TTC13: variants seen among roughly 807,000 people sequenced by gnomAD.
TTC13 encodes the protein tetratricopeptide repeat domain 13.
In TTC13, 62 loss-of-function variants were observed where a neutral mutation model predicts 120.0. The ratio of observed to expected loss-of-function variants is 0.52; its 90% CI spans 0.42 to 0.64. The LOEUF (loss-of-function observed/expected upper bound fraction) is 0.64. TTC13 is among the 30% of genes least tolerant of loss of function. The probability of loss-of-function intolerance (pLI) is 0.00; values close to 1 mark genes in which losing one functional copy is unlikely to be tolerated. For missense variants in TTC13, 824 were observed against 1,050.2 expected, an observed-to-expected ratio of 0.78 and a Z score of 2.98; for synonymous variants, 384 against 393.5, an observed-to-expected ratio of 0.98 and a Z score of 0.28.
rs984023450 is a variant in TTC13 at position 230,944,835 on chromosome 1, C to T, written c.579+554G>A. 4.6e-5 allele frequency among the ~76,000 whole-genome samples: 7 copies of T among 152,026 alleles called. No homozygotes were observed. The highest frequency in any genetic ancestry group is 9.7e-5 in the African/African-American group (4 of 41,394). ...TTGGAAAGCTGAACTTACACCATTT[C>T]GTGATTTACTATATAATTTCAGGAG... is the stretch of plus-strand genomic sequence containing the variant. On this transcript the variant is annotated intron_variant, in intron 5 of 22. Transcript: ENST00000366661. This position sits in a 1 kb window ranked among gnomAD's most constrained non-coding sequence, Gnocchi z 4.0.
chr1:230,907,509 G>A (rs957984981), intron 22 of TTC13, among the ~76,000 whole-genome samples: 1 of 152,250 alleles, frequency 6.6e-6, no homozygotes, highest in African/African-American at 2.4e-5. Context: ...TTTCCTTAAA[G>A]AATTGTCAAA....
At chr1:230,938,636 G>A (rs1477667152) in intron 8 of TTC13, among the ~76,000 whole-genome samples, 1 of 152,156 alleles carries the variant, frequency 6.6e-6, no homozygotes, top group African/African-American at 2.4e-5. Flanking sequence ...TCAAGGAGCT[G>A]GGTCAAGTTT....
In TTC13 at chr1:230,916,427, A is replaced by G. The variant is rs2102763098; in HGVS notation, c.1984-125T>C. 7 of 752,568 alleles carry G rather than the reference A, an allele frequency of 9.3e-6. No individual in the cohort carries two copies. The East Asian group carries it at 1.8e-4, about 19-fold the overall frequency. The allele number at this position is 752,568 out of a possible 1,614,324, so 46.6% of individuals were successfully genotyped here. A position where few individuals can be genotyped will look rare whatever the true frequency, so the allele number is the denominator to read the frequency against. ...AGGGCCAAGGAGGTCATCTGATACA[A>G]GAGATGGTGGCCTGGTGGCCAAGGA... On this transcript the variant is annotated intron_variant, in intron 17 of 22. Transcript: ENST00000366661.
In TTC13 at chr1:230,924,827, G is replaced by A. The variant is rs201544027; in HGVS notation, c.1721+14C>T. The A allele has an allele frequency of 1.9e-6, 3 of 1,613,952 alleles. No homozygotes were observed. In the East Asian group the frequency reaches 6.7e-5, roughly 36 times the overall value. Reference sequence around the variant, plus strand: ...ATAAGACTTATAGTTTATTTTCACTGAGATGTTAGTTACCTTCTCCATTTA... The same window carrying A: ...ATAAGACTTATAGTTTATTTTCACTAAGATGTTAGTTACCTTCTCCATTTA... On this transcript the variant is annotated intron_variant, in intron 14 of 22. Transcript: ENST00000366661.
At chr1:230,949,529 C>T (rs1675341817) in intron 4 of TTC13, among the ~76,000 whole-genome samples, 1 of 151,140 alleles carries the variant, frequency 6.6e-6, no homozygotes, top group Non-Finnish European at 1.5e-5. Flanking sequence ...CAGAGGCCCT[C>T]GCACGGGCCT....
intron 4 of TTC13, among the ~76,000 whole-genome samples, chr1:230,945,675 G>T (rs1333631138): frequency 6.6e-6 from 1 of 152,100 alleles, no homozygotes; most frequent in Non-Finnish European, 1.5e-5. Context: ...AAATAATAGA[G>T]AGAGAAGGGA....
At chr1:230,912,173 G>T (rs971871376) in intron 19 of TTC13, among the ~76,000 whole-genome samples, 2 of 152,096 alleles carry the variant, frequency 1.3e-5, no homozygotes, top group African/African-American at 4.8e-5. Flanking sequence ...GAAGGCCACA[G>T]ACCAGGAAAG....
Position 230,906,718 on chromosome 1 carries a change from G to A in TTC13, c.*187C>T, listed in dbSNP as rs184517415. The stretch of plus-strand genomic sequence containing the variant: ...CCAAGTCAAGTAGCTTTTTCCCCCC[G>A]AAAGCCTCTTTCATGATTTTCATTA... On this transcript the variant is annotated 3_prime_UTR_variant, in exon 23 of 23. Coordinates refer to ENST00000366661, the MANE Select transcript of TTC13 (RefSeq NM_024525.5). 287 of 330,614 alleles carry A rather than the reference G, an allele frequency of 8.7e-4. No individual in the cohort carries two copies. The highest frequency in any genetic ancestry group is 5.5e-3 in the African/African-American group (255 of 46,760). The allele number at this position is 330,614 out of a possible 1,614,324, so 20.5% of individuals were successfully genotyped here. A position where few individuals can be genotyped will look rare whatever the true frequency, so the allele number is the denominator to read the frequency against.
At position 230,940,525 on chromosome 1, in the gene TTC13, G is replaced by C. The variant is rs1406752531; in HGVS notation, c.704C>G (p.Ala235Gly). Residue 235 changes from alanine (A) to glycine (G), a missense_variant, in exon 7 of 23, where the codon GCA becomes GGA. By Grantham distance (60) the Ala-to-Gly change is moderately conservative. This residue lies in a region of TTC13 where 430 missense variants were observed against 626.8 expected (regional missense o/e 0.69). Coordinates refer to ENST00000366661, the MANE Select transcript of TTC13 (RefSeq NM_024525.5). This position sits in a 1 kb window ranked among gnomAD's most constrained non-coding sequence, Gnocchi z 4.1. ...GATAGCTTTAGTGAGGTCATTCACTGCTTCATTAATTCGTCCCAGAGGGGA... is the reference window on the plus strand; with the variant it reads ...GATAGCTTTAGTGAGGTCATTCACTCCTTCATTAATTCGTCCCAGAGGGGA... ...ILSPLGRINE[A>G]VNDLTKAIQL... 18 of 1,612,684 alleles carry C rather than the reference G, an allele frequency of 1.1e-5. No homozygotes were observed. The highest frequency in any genetic ancestry group is 1.5e-5 in the Non-Finnish European group (18 of 1,179,172).
chr1:230,926,994 T>C (rs1673109453), intron 12 of TTC13, among the ~76,000 whole-genome samples: 1 of 152,238 alleles, frequency 6.6e-6, no homozygotes. Context: ...GAAAAAAATA[T>C]GTGAGAGCAC....
chr1:230,956,399 G>A (rs980323062), intron 3 of TTC13: 4 of 209,412 alleles, frequency 1.9e-5, no homozygotes, highest in East Asian at 1.5e-4. Context: ...ATGTGAGCTC[G>A]GATTCTGGCT....
chr1:230,947,510 T>C (rs936081013), intron 4 of TTC13, among the ~76,000 whole-genome samples: 2 of 151,834 alleles, frequency 1.3e-5, no homozygotes, highest in African/African-American at 2.4e-5. Context: ...GGGAAAAGAA[T>C]TGTCTTAGGC....
chr1:230,957,625 A>G (rs926893671), intron 3 of TTC13, among the ~76,000 whole-genome samples: 1 of 152,190 alleles, frequency 6.6e-6, no homozygotes. Context: ...CCTGTATTCA[A>G]TTTTGTCTCC....
Position 230,954,316 on chromosome 1 carries a change from A to G in TTC13, c.513+17T>C, listed in dbSNP as rs1572262885. Reference sequence around the variant, plus strand: ...TGACCATAAACTCAAAATTACATAAATAAGAAGAAAATTTACCTGAAGCAT... The same window carrying G: ...TGACCATAAACTCAAAATTACATAAGTAAGAAGAAAATTTACCTGAAGCAT... On this transcript the variant is annotated intron_variant, in intron 4 of 22. Transcript: ENST00000366661. 1 of 1,600,450 alleles carries G rather than the reference A, an allele frequency of 6.2e-7. No homozygotes were observed. Among genetic ancestry groups the G allele is most frequent in the Non-Finnish European group, 8.6e-7 (1 of 1,169,408 alleles).
chr1:230,976,512 C>T (rs1460393334), intron 1 of TTC13, among the ~76,000 whole-genome samples: 3 of 152,222 alleles, frequency 2.0e-5, no homozygotes, highest in Non-Finnish European at 4.4e-5. Context: ...ACAGCTGGAG[C>T]TCCAAGTAGT....
chr1:230,961,159 A>C, intron 2 of TTC13, 50 bp downstream of exon 2: 1 of 1,477,646 alleles, frequency 6.8e-7, no homozygotes, highest in Non-Finnish European at 9.4e-7. Context: ...TGGAACTAGT[A>C]TCACTGGGCT....
At chr1:230,908,688 T>G in intron 22 of TTC13, 24 bp downstream of exon 22, 1 of 1,601,668 alleles carries the variant, frequency 6.2e-7, no homozygotes, top group South Asian at 1.1e-5. Flanking sequence ...GATACCCTTG[T>G]GTGGACCCCC....
chr1:230,908,813 G>C lies in TTC13; in HGVS notation c.2389-22C>G, dbSNP rs775724733. On this transcript the variant is annotated intron_variant, in intron 21 of 22. Transcript: ENST00000366661. ...CTAACTGAAAAAGAAAGACATTTAG[G>C]AATGTTACTAAACATGGAGGACACA... 1.2e-5 allele frequency: 20 copies of C among 1,610,420 alleles called. 1 individual carries two copies. The South Asian group carries it at 2.1e-4, about 17-fold the overall frequency.
At chr1:230,971,187 T>C (rs938306469) in intron 1 of TTC13, among the ~76,000 whole-genome samples, 2 of 69,742 alleles carry the variant, frequency 2.9e-5, no homozygotes, top group South Asian at 7.2e-4. Context: ...CTATTAAAAA[T>C]ACAAAAAAAT....
Sources: gnomAD v4.1 joint callset for allele counts (sites outside exome capture counted in the v4.1 genomes callset) on GRCh38, gnomAD v4.1.1 for gene constraint, gnomAD v4.1.1 regional missense constraint, Gnocchi (gnomAD v3.1) non-coding constraint, MANE v1.5 for transcripts, NCBI Gene and HGNC (gene_info 2026-07-23, HGNC 2026-07-21) for gene names.